The following NOS1 variants were observed in gnomAD, a reference collection of about 807,000 sequenced individuals.
NOS1 encodes nitric oxide synthase 1.
In NOS1, 51 loss-of-function variants were observed where a neutral mutation model predicts 164.5. The observed-to-expected ratio is 0.31, with a 90% confidence interval of 0.25 to 0.39. The LOEUF (loss-of-function observed/expected upper bound fraction) is 0.39, where lower values mean the gene tolerates loss of function less well. Among genes scored for constraint, NOS1 ranks in the 10% least tolerant of loss-of-function variants. The pLI is 1.00. For missense variants in NOS1, 1,362 were observed against 1,885.6 expected (o/e 0.72, Z 5.14); for synonymous variants, 719 against 745.8 (o/e 0.96, Z 0.59).
At chr12:117,287,902 G>A (rs940053475) in intron 5 of NOS1, among the ~76,000 whole-genome samples, 172 bp downstream of exon 5, 1 of 152,206 alleles carries the variant, frequency 6.6e-6, no homozygotes, top group African/African-American at 2.4e-5. Flanking sequence ...CTTTGCAGGT[G>A]AAACAAAAGC....
chr12:117,263,211 A>G (rs569198306), intron 13 of NOS1, among the ~76,000 whole-genome samples: 233 of 119,570 alleles, frequency 1.9e-3, no homozygotes, highest in African/African-American at 5.4e-3. Context: ...GCGACACCCA[A>G]CTAATGAATG....
At chr12:117,269,406 G>A (rs530723896) in intron 10 of NOS1, among the ~76,000 whole-genome samples, 20 of 151,780 alleles carry the variant, frequency 1.3e-4, no homozygotes, top group Non-Finnish European at 2.5e-4. Context: ...GACATGCCAA[G>A]GAGTCAGGAT....
In NOS1 at chr12:117,285,321, G is replaced by A; in HGVS notation, c.1302C>T (p.Ala434=). 5 of 1,609,364 alleles carry A rather than the reference G, an allele frequency of 3.1e-6. No individual in the cohort carries two copies. The highest frequency in any genetic ancestry group is 4.2e-6 in the Non-Finnish European group (5 of 1,176,972). ...IQWSKLQVFD[A]RDCTTAHGMF... is the part of the protein sequence containing the mutation. The stretch of plus-strand genomic sequence containing the variant: ...TCCCGTGGGCCGTGGTGCAGTCACG[G>A]GCATCGAATACCTGGAAGAGGCACA... The change falls in exon 7 of 29, where the codon GCC becomes GCT. Residue 434 remains alanine, a synonymous_variant. Coordinates refer to ENST00000317775, the MANE Select transcript of NOS1 (RefSeq NM_000620.5).
intron 17 of NOS1, 22 bp from the exon 18 acceptor site, chr12:117,247,544 G>T (rs1340893681): frequency 1.9e-6 from 3 of 1,598,476 alleles, no homozygotes; most frequent in Non-Finnish European, 2.6e-6. Flanking sequence ...ATGACAGAAT[G>T]TTCATGCTAA....
At position 117,208,391 on chromosome 12, in the gene NOS1, CGTGTGTGTGT is replaced by C; in HGVS notation, c.*6908_*6917del. Reference sequence around the variant, plus strand: ...GGGGGGACGGCCGAGTTTCTGACAGCGTGTGTGTGTGTGTGTGTGTGTGTGTGTGTGGTGA... The same window carrying C: ...GGGGGGACGGCCGAGTTTCTGACAGCGTGTGTGTGTGTGTGTGTGTGGTGA... On this transcript the variant is annotated 3_prime_UTR_variant, in exon 29 of 29. Transcript: ENST00000317775. 7.2e-6 allele frequency: 9 copies of C among 1,244,282 alleles called. No homozygotes were observed. Among genetic ancestry groups the C allele is most frequent in the Non-Finnish European group, 9.3e-6 (9 of 963,734 alleles). The allele number at this position is 1,244,282 out of a possible 1,614,324, so 77.1% of individuals were successfully genotyped here.
At chr12:117,359,152 G>A (rs1047580510) in intron 1 of NOS1, among the ~76,000 whole-genome samples, 1 of 152,084 alleles carries the variant, frequency 6.6e-6, no homozygotes, top group Non-Finnish European at 1.5e-5. Flanking sequence ...AGAGCCGTGC[G>A]CCCCTCAGGG....
chr12:117,249,049 T>C (rs543608571), intron 17 of NOS1, among the ~76,000 whole-genome samples: 2 of 152,138 alleles, frequency 1.3e-5, no homozygotes, highest in East Asian at 3.9e-4. Context: ...GGTTGTTTGT[T>C]TTTTTCTTGT....
At chr12:117,328,658 G>C (rs780968982) in intron 2 of NOS1, among the ~76,000 whole-genome samples, 1 of 152,000 alleles carries the variant, frequency 6.6e-6, no homozygotes, top group Non-Finnish European at 1.5e-5. Flanking sequence ...TCTGCCTCCC[G>C]GGTCCAAGTG....
At position 117,213,635 on chromosome 12, in the gene NOS1, T is replaced by C; in HGVS notation, c.*1674A>G. On this transcript the variant is annotated 3_prime_UTR_variant, in exon 29 of 29. Transcript: ENST00000317775. The stretch of plus-strand genomic sequence containing the variant: ...AAAGAGGGCCAGTGCACTTCCTCTT[T>C]AGCAGACACCCAAACTGAACAACAA... The C allele has an allele frequency of 2.0e-6, 2 of 985,468 alleles. No homozygotes were observed. Among genetic ancestry groups the C allele is most frequent in the Non-Finnish European group, 2.4e-6 (2 of 829,964 alleles). 61.0% of individuals were successfully genotyped at this position (985,468 alleles called of 1,614,324 possible). A position where few individuals can be genotyped will look rare whatever the true frequency, so the allele number is the denominator to read the frequency against.
Position 117,330,285 on chromosome 12 carries a change from C to T in NOS1, c.725+60G>A. On this transcript the variant is annotated intron_variant, in intron 2 of 28. Transcript: ENST00000317775. The surrounding 1 kb of genome is among the most constrained non-coding windows in gnomAD (Gnocchi z 4.6). ...GGCTGAGTCTCAGTAGACGCACATG[C>T]ACACACACAAGCATGCACACACACA... 1.3e-6 allele frequency: 2 copies of T among 1,518,016 alleles called. No individual in the cohort carries two copies. Among genetic ancestry groups the T allele is most frequent in the Non-Finnish European group, 1.8e-6 (2 of 1,133,468 alleles). 94.0% of individuals were successfully genotyped at this position (1,518,016 alleles called of 1,614,324 possible). A position where few individuals can be genotyped will look rare whatever the true frequency, so the allele number is the denominator to read the frequency against.
At chr12:117,338,232 A>AAAC (rs769146267) in intron 1 of NOS1, among the ~76,000 whole-genome samples, 4 of 151,782 alleles carry the variant, frequency 2.6e-5, no homozygotes, top group South Asian at 2.1e-4. Context: ...AAACAAAAAA[A>AAAC]AACAAAACAA....
rs200091597 is a variant in NOS1 at position 117,263,958 on chromosome 12, G to T, written c.2153C>A (p.Thr718Lys). Residue 718 changes from threonine to lysine, a missense_variant, in exon 13 of 29, where the codon ACG becomes AAG. This residue lies in a region of NOS1 where 737 missense variants were observed against 1,030.3 expected (regional missense o/e 0.72). Transcript: ENST00000317775. ...SFEYQPDPWN[T>K]HVWKGTNGTP... ...CCCGTTGGTGCCTTTCCAGACATGC[G>T]TGTTCCAGGGATCAGGCTGGGAAGA... 6.2e-7 allele frequency: 1 copy of T among 1,613,468 alleles called. No homozygotes were observed. Among genetic ancestry groups the T allele is most frequent in the Admixed American group, 1.7e-5 (1 of 59,966 alleles).
rs192565156 is a variant in NOS1 at position 117,298,688 on chromosome 12, G to A, written c.853-8262C>T. Among the ~76,000 whole-genome samples the A allele has an allele frequency of 7.9e-5, 12 of 152,268 alleles. No individual in the cohort carries two copies. The East Asian group carries it at 1.9e-3, about 25-fold the overall frequency. ...TGTGCTCACAGGGAGAGCGCCATGT[G>A]AACATGAAGACGGCCACCTACAAGC... On this transcript the variant is annotated intron_variant, in intron 3 of 28. Transcript: ENST00000317775.
intron 16 of NOS1, among the ~76,000 whole-genome samples, chr12:117,256,282 C>CTTTTTTTTTTTTTTTTTTTT (rs1566042530): frequency 1.3e-5 from 1 of 76,806 alleles, no homozygotes; most frequent in African/African-American, 1.1e-4. Context: ...AAGGGATTTT[C>CTTTTTTTTTTTTTTTTTTTT]TGTTTTTTTT....
intron 11 of NOS1, among the ~76,000 whole-genome samples, chr12:117,266,034 C>T (rs1394845384): frequency 6.6e-6 from 1 of 151,664 alleles, no homozygotes; most frequent in South Asian, 2.1e-4. Context: ...CTCCTGACCT[C>T]GTGATCCACC....
chr12:117,223,196 T>C (rs952112327), intron 25 of NOS1, among the ~76,000 whole-genome samples: 5 of 152,036 alleles, frequency 3.3e-5, no homozygotes, highest in African/African-American at 4.8e-5. Flanking sequence ...ACTCTGGGCC[T>C]AAGACCCAAG....
chr12:117,292,848 T>A (rs747365788), intron 3 of NOS1, among the ~76,000 whole-genome samples: 1 of 152,158 alleles, frequency 6.6e-6, no homozygotes, highest in Non-Finnish European at 1.5e-5. Context: ...TCTGCTCCCA[T>A]GGAGTCACAG....
intron 18 of NOS1, among the ~76,000 whole-genome samples, chr12:117,244,917 G>A (rs2135957169): frequency 6.6e-6 from 1 of 152,286 alleles, no homozygotes; most frequent in Non-Finnish European, 1.5e-5. Flanking sequence ...AGGACAGGAG[G>A]TTGACAGCTA....
At position 117,218,179 on chromosome 12, in the gene NOS1, C is replaced by T. The variant is rs1174878486; in HGVS notation, c.4171-15G>A. The T allele has an allele frequency of 1.3e-6, 2 of 1,596,874 alleles. No individual in the cohort carries two copies. Among genetic ancestry groups the T allele is most frequent in the African/African-American group, 1.3e-5 (1 of 74,674 alleles). On this transcript the variant is annotated splice_polypyrimidine_tract_variant and intron_variant, in intron 27 of 28. Transcript: ENST00000317775. ...CGGTTGTCATCCTAGAAGACAGAAA[C>T]AGCCAGAAAACAGCTCTCAAATGCC...
Sources: allele counts gnomAD v4.1 joint callset (sites outside exome capture counted in the v4.1 genomes callset), GRCh38; gene constraint gnomAD v4.1.1; regional missense constraint gnomAD v4.1.1; non-coding constraint Gnocchi (gnomAD v3.1); transcripts MANE v1.5; gene names NCBI Gene and HGNC (gene_info 2026-07-23, HGNC 2026-07-21).